Variants in CNTN4 observed in about 807,000 individuals in gnomAD.
CNTN4 encodes the protein contactin-4.
CNTN4 carries 77 observed loss-of-function variants against 122.5 expected under a neutral mutation model. The ratio of observed to expected loss-of-function variants is 0.63; its 90% CI spans 0.52 to 0.76. The LOEUF is 0.76. CNTN4 is among the 30% of genes least tolerant of loss of function. CNTN4 has a pLI of 0.00. For missense variants in CNTN4, 1,256 were observed against 1,259.1 expected (o/e 1.00, Z 0.04); for synonymous variants, 512 against 447.0 (o/e 1.15, Z -1.83).
chr3:2,389,205 T>G (rs2046356519), intron 3 of CNTN4, among the ~76,000 whole-genome samples: 1 of 151,912 alleles, frequency 6.6e-6, no homozygotes, highest in Non-Finnish European at 1.5e-5. Context: ...CTCTTGCCAC[T>G]CATTCCTGCA....
At chr3:2,568,595 C>G (rs2079285757) in intron 3 of CNTN4, among the ~76,000 whole-genome samples, 1 of 152,126 alleles carries the variant, frequency 6.6e-6, no homozygotes, top group South Asian at 2.1e-4. Context: ...CTGACTCTGA[C>G]AGAAAAATTG....
chr3:2,348,928 C>A (rs1685495), intron 3 of CNTN4, among the ~76,000 whole-genome samples: 74,972 of 152,018 alleles, frequency 0.49, 18,704 homozygotes, highest in Admixed American at 0.52. Flanking sequence ...ATAAAATCAG[C>A]AGTTGAAACT....
intron 4 of CNTN4, among the ~76,000 whole-genome samples, chr3:2,594,121 G>A (rs2080640676): frequency 6.6e-6 from 1 of 152,102 alleles, no homozygotes; most frequent in East Asian, 1.9e-4. Flanking sequence ...GATTATTTTG[G>A]GAGCATAATT....
chr3:2,634,534 T>C (rs1341367938), intron 4 of CNTN4, among the ~76,000 whole-genome samples: 1 of 151,950 alleles, frequency 6.6e-6, no homozygotes, highest in Non-Finnish European at 1.5e-5. Context: ...GATATTAGTT[T>C]TTGAAAAATT....
intron 3 of CNTN4, among the ~76,000 whole-genome samples, chr3:2,502,477 T>A (rs2076622395): frequency 6.6e-6 from 1 of 152,172 alleles, no homozygotes; most frequent in African/African-American, 2.4e-5. Flanking sequence ...CTCCTACAGT[T>A]GTGTAGCCTG....
chr3:2,894,854 C>G (rs1223205312), intron 10 of CNTN4, among the ~76,000 whole-genome samples: 1 of 152,082 alleles, frequency 6.6e-6, no homozygotes, highest in Non-Finnish European at 1.5e-5. Context: ...TTCTATAACT[C>G]ATTTATAAAG....
intron 3 of CNTN4, among the ~76,000 whole-genome samples, chr3:2,365,290 C>G (rs2045331925): frequency 6.6e-6 from 1 of 152,118 alleles, no homozygotes; most frequent in Admixed American, 6.5e-5. Flanking sequence ...AACACAGCTC[C>G]TCTTGGTCCC....
chr3:2,659,467 A>G (rs1460728434), intron 4 of CNTN4, among the ~76,000 whole-genome samples: 45 of 148,170 alleles, frequency 3.0e-4, no homozygotes, highest in African/African-American at 1.0e-3. Context: ...TCTCAAAAAA[A>G]AAAAAAAAAA....
intron 13 of CNTN4, among the ~76,000 whole-genome samples, chr3:2,988,053 G>A (rs1200582998): frequency 6.6e-6 from 1 of 152,126 alleles, no homozygotes; most frequent in African/African-American, 2.4e-5. Context: ...TGTGGTTAGA[G>A]CTACCAAAGA....
chr3:2,956,443 G>T (rs973739129), intron 13 of CNTN4, among the ~76,000 whole-genome samples: 7 of 151,888 alleles, frequency 4.6e-5, no homozygotes, highest in Non-Finnish European at 7.4e-5. Context: ...CATTTTTTAT[G>T]TTATATATAT....
At chr3:2,184,309 T>C (rs1205937679) in intron 2 of CNTN4, among the ~76,000 whole-genome samples, 1 of 152,016 alleles carries the variant, frequency 6.6e-6, no homozygotes, top group African/African-American at 2.4e-5. Flanking sequence ...AAAAGGAACT[T>C]CCCTTCCAGG....
intron 4 of CNTN4, among the ~76,000 whole-genome samples, chr3:2,645,238 A>G (rs2083068687): frequency 6.6e-6 from 1 of 152,140 alleles, no homozygotes; most frequent in Admixed American, 6.5e-5. Flanking sequence ...AGTTAGTGAC[A>G]TTATTTCCTT....
chr3:2,333,524 A>T (rs1403622820), intron 2 of CNTN4, among the ~76,000 whole-genome samples: 5 of 152,216 alleles, frequency 3.3e-5, no homozygotes, highest in African/African-American at 9.6e-5. Flanking sequence ...ATTGTACCCA[A>T]TGAAAGTCCC....
intron 6 of CNTN4, among the ~76,000 whole-genome samples, chr3:2,806,885 G>C (rs530019960): frequency 1.3e-5 from 2 of 152,000 alleles, no homozygotes; most frequent in East Asian, 3.9e-4. Context: ...AAGCAGAAAG[G>C]TTCTACTTTT....
chr3:3,014,697 G>C (rs78578441), intron 14 of CNTN4, among the ~76,000 whole-genome samples: 319 of 151,030 alleles, frequency 2.1e-3, no homozygotes, highest in African/African-American at 7.6e-3. Flanking sequence ...TTGTCTCTTG[G>C]CTTTAACATT....
At chr3:2,249,971 C>T (rs950344683) in intron 2 of CNTN4, among the ~76,000 whole-genome samples, 2 of 151,838 alleles carry the variant, frequency 1.3e-5, no homozygotes, top group South Asian at 2.1e-4. Flanking sequence ...GGATGTAAAG[C>T]AGTGCATGGA....
intron 7 of CNTN4, among the ~76,000 whole-genome samples, chr3:2,864,443 A>AG (rs1195515742): frequency 2.0e-5 from 3 of 151,978 alleles, no homozygotes; most frequent in African/African-American, 7.3e-5. Context: ...GCAGGGAAAA[A>AG]AAAATCATTT....
intron 13 of CNTN4, among the ~76,000 whole-genome samples, chr3:2,986,183 A>G (rs894708014): frequency 6.6e-6 from 1 of 152,150 alleles, no homozygotes; most frequent in African/African-American, 2.4e-5. Context: ...CTAAAGTGCT[A>G]GAATTACAGG....
intron 7 of CNTN4, among the ~76,000 whole-genome samples, chr3:2,820,941 A>G (rs1439423492): frequency 1.5e-5 from 2 of 135,758 alleles, no homozygotes; most frequent in African/African-American, 5.8e-5. Context: ...TCTTTTTCTC[A>G]CATGCAACAT....
Sources: gnomAD v4.1 joint callset for allele counts (sites outside exome capture counted in the v4.1 genomes callset) on GRCh38, gnomAD v4.1.1 for gene constraint, MANE v1.5 for transcripts, NCBI Gene and HGNC (gene_info 2026-07-23, HGNC 2026-07-21) for gene names.